EPHA6: variants seen among roughly 807,000 people sequenced by gnomAD.
The protein encoded by EPHA6 is EPH receptor A6.
In EPHA6, 50 loss-of-function variants were observed where a neutral mutation model predicts 112.0. That is an observed-to-expected ratio of 0.45 (90% CI 0.36 to 0.56). The LOEUF (loss-of-function observed/expected upper bound fraction) is 0.56. EPHA6 is among the 20% of genes least tolerant of loss of function. The probability of loss-of-function intolerance (pLI) is 0.00; values close to 1 mark genes in which losing one functional copy is unlikely to be tolerated. For missense variants in EPHA6, 1,280 were observed against 1,417.4 expected (o/e 0.90, Z 1.56); for synonymous variants, 529 against 490.7 (o/e 1.08, Z -1.03).
chr3:97,327,861 G>A (rs2082518960), intron 5 of EPHA6, among the ~76,000 whole-genome samples: 1 of 147,070 alleles, frequency 6.8e-6, no homozygotes, highest in Admixed American at 6.9e-5. Flanking sequence ...ATGTATATGT[G>A]TGTATATATA....
Position 97,319,926 on chromosome 3 carries a change from G to A in EPHA6, c.1606+75639G>A, listed in dbSNP as rs974525939. Among the ~76,000 whole-genome samples, 18 of 152,088 alleles carry A rather than the reference G, an allele frequency of 1.2e-4. No homozygotes were observed. The East Asian group carries it at 3.5e-3, about 29-fold the overall frequency. On this transcript the variant is annotated intron_variant, in intron 5 of 17. Transcript: ENST00000389672. ...GGTAGTTTTAGAATTCAGACAAGCAGTTAGTTATCTGAAAATGTTTGATAT... is the reference window on the plus strand; with the variant it reads ...GGTAGTTTTAGAATTCAGACAAGCAATTAGTTATCTGAAAATGTTTGATAT...
chr3:97,553,057 C>A (rs1027571331), intron 11 of EPHA6, among the ~76,000 whole-genome samples: 4 of 152,108 alleles, frequency 2.6e-5, no homozygotes, highest in Non-Finnish European at 1.5e-5. Flanking sequence ...TTCAGTCTTG[C>A]CCCTACCACA....
intron 3 of EPHA6, among the ~76,000 whole-genome samples, chr3:97,125,468 A>G (rs9812000): frequency 0.51 from 77,802 of 151,988 alleles, 22,744 homozygotes; most frequent in African/African-American, 0.8. Flanking sequence ...TGTTATCACT[A>G]TACATATTTT....
intron 11 of EPHA6, chr3:97,590,380 A>T (rs949011461): frequency 8.5e-5 from 13 of 152,174 alleles, no homozygotes; most frequent in African/African-American, 3.1e-4. Context: ...CAAAAACAGT[A>T]ATCAATGCAA....
chr3:97,713,295 A>C (rs1239366166), intron 14 of EPHA6, among the ~76,000 whole-genome samples: 3 of 152,152 alleles, frequency 2.0e-5, no homozygotes, highest in Non-Finnish European at 2.9e-5. Flanking sequence ...CAACCCAAGG[A>C]CCAATAGTTG....
chr3:97,098,681 GA>G (rs1279656873), intron 3 of EPHA6, among the ~76,000 whole-genome samples: 1 of 151,782 alleles, frequency 6.6e-6, no homozygotes, highest in Non-Finnish European at 1.5e-5. Flanking sequence ...CAGTAAAGTG[GA>G]AAAAGGTAAC....
At chr3:97,027,074 G>A (rs1482342404) in intron 3 of EPHA6, among the ~76,000 whole-genome samples, 7 of 152,126 alleles carry the variant, frequency 4.6e-5, no homozygotes, top group East Asian at 3.8e-4. Flanking sequence ...TAAAGAAAAC[G>A]TGGTACATGT....
chr3:96,832,146 C>T (rs548222830), intron 1 of EPHA6, among the ~76,000 whole-genome samples: 107 of 152,016 alleles, frequency 7.0e-4, no homozygotes, highest in Non-Finnish European at 1.3e-3. Context: ...CAAAACTCAG[C>T]GTATATCTAA....
intron 11 of EPHA6, among the ~76,000 whole-genome samples, chr3:97,550,919 AGAAAG>A (rs2093021139): frequency 6.6e-6 from 1 of 152,152 alleles, no homozygotes; most frequent in Non-Finnish European, 1.5e-5. Context: ...GAAAGAAATG[AGAAAG>A]GAAAGGAAAG....
Position 97,592,710 on chromosome 3 carries a change from G to A in EPHA6, c.2485G>A (p.Gly829Arg), listed in dbSNP as rs772759264. The A allele has an allele frequency of 3.7e-6, 6 of 1,602,392 alleles. No individual in the cohort carries two copies. The highest frequency in any genetic ancestry group is 5.1e-6 in the Non-Finnish European group (6 of 1,176,394). ...GGCCCCGCATCCAGTGCCAGGGGGA[G>A]GATCTTTGCCCCCCAGGATTCCTGC... ...IQAPHPVPGG[G>R]SLPPRIPAGR... Residue 829 changes from glycine (G) to arginine (R), a missense_variant, in exon 12 of 18, where the codon GGA becomes AGA. By Grantham distance (125) the Gly-to-Arg change is moderately radical (BLOSUM62 -2). This residue lies in a region of EPHA6 where 878 missense variants were observed against 999.7 expected (regional missense o/e 0.88). Transcript: ENST00000389672.
chr3:97,280,438 C>G (rs1280219108), intron 5 of EPHA6, among the ~76,000 whole-genome samples: 1 of 152,134 alleles, frequency 6.6e-6, no homozygotes, highest in Non-Finnish European at 1.5e-5. Context: ...GATCAGCAAG[C>G]AAACAAAAGG....
At chr3:97,385,319 C>T (rs912531804) in intron 5 of EPHA6, among the ~76,000 whole-genome samples, 1 of 152,126 alleles carries the variant, frequency 6.6e-6, no homozygotes, top group African/African-American at 2.4e-5. Flanking sequence ...TACTTATGAA[C>T]CCATAGACCT....
At chr3:96,817,325 C>G (rs2032877815) in intron 1 of EPHA6, among the ~76,000 whole-genome samples, 1 of 151,808 alleles carries the variant, frequency 6.6e-6, no homozygotes, top group Non-Finnish European at 1.5e-5. Context: ...TGCTAGGTTT[C>G]TAAATGTTAT....
intron 14 of EPHA6, among the ~76,000 whole-genome samples, chr3:97,700,678 G>A (rs188500470): frequency 6.6e-5 from 10 of 152,070 alleles, no homozygotes; most frequent in Admixed American, 5.9e-4. Context: ...GGGATATGGA[G>A]GAAAAAGAAA....
intron 5 of EPHA6, among the ~76,000 whole-genome samples, chr3:97,321,720 A>C (rs112603452): frequency 1.3e-5 from 2 of 152,020 alleles, no homozygotes; most frequent in Non-Finnish European, 2.9e-5. Flanking sequence ...TGAATTGTGA[A>C]TAATTTAAGT....
At chr3:97,035,286 A>G (rs577375710) in intron 3 of EPHA6, among the ~76,000 whole-genome samples, 2 of 151,918 alleles carry the variant, frequency 1.3e-5, no homozygotes, top group African/African-American at 2.4e-5. Flanking sequence ...TTCTTATGCT[A>G]TATTAAGTAC....
chr3:96,994,732 T>TATATATAGAGAGAGAG (rs1170197805), intron 3 of EPHA6, among the ~76,000 whole-genome samples: 5 of 82,214 alleles, frequency 6.1e-5, no homozygotes, highest in African/African-American at 1.9e-4. Flanking sequence ...TATATATATA[T>TATATATAGAGAGAGAG]AGAGAGAGAG....
At chr3:96,827,095 C>T (rs2033712024) in intron 1 of EPHA6, among the ~76,000 whole-genome samples, 1 of 152,002 alleles carries the variant, frequency 6.6e-6, no homozygotes, top group Admixed American at 6.6e-5. Flanking sequence ...TAAAGTCAGG[C>T]TTAGGAGGAG....
At chr3:96,986,434 G>A (rs1190970502) in intron 2 of EPHA6, among the ~76,000 whole-genome samples, 1 of 152,070 alleles carries the variant, frequency 6.6e-6, no homozygotes, top group Non-Finnish European at 1.5e-5. Context: ...GCCCACTTAT[G>A]CTCTTCCTCA....
Sources: allele counts gnomAD v4.1 joint callset (sites outside exome capture counted in the v4.1 genomes callset), GRCh38; gene constraint gnomAD v4.1.1; regional missense constraint gnomAD v4.1.1; transcripts MANE v1.5; gene names NCBI Gene and HGNC (gene_info 2026-07-23, HGNC 2026-07-21).